The following TPR variants were observed in gnomAD, a reference collection of about 807,000 sequenced individuals.
The protein encoded by TPR is nucleoprotein TPR.
TPR carries 51 observed loss-of-function variants against 316.1 expected under a neutral mutation model. The observed-to-expected ratio is 0.16, with a 90% confidence interval of 0.13 to 0.20. The LOEUF is 0.20. Among genes scored for constraint, TPR ranks in the 10% least tolerant of loss-of-function variants. The pLI, the probability that TPR is intolerant of heterozygous loss-of-function variation, is 1.00. For synonymous variants in TPR, 981 were observed against 914.7 expected (o/e 1.07, Z -1.31); for missense variants, 2,272 against 2,754.8 (o/e 0.82, Z 3.92).
At chr1:186,357,757 T>G in intron 13 of TPR, 134 bp from the exon 14 acceptor site, 1 of 706,190 alleles carries the variant, frequency 1.4e-6, no homozygotes, top group African/African-American at 1.8e-5. Flanking sequence ...TCTTTAAAAA[T>G]AAAGCATCCT....
intron 1 of TPR, among the ~76,000 whole-genome samples, chr1:186,373,808 T>C (rs979446794): frequency 2.6e-5 from 4 of 152,128 alleles, no homozygotes; most frequent in East Asian, 1.9e-4. Flanking sequence ...CGAGAAAAAA[T>C]TGTTTAGACA....
rs751888516 is a variant in TPR, at chr1:186,339,647, A to G, written c.4146T>C (p.Ile1382=). 2 of 1,575,322 alleles carry G rather than the reference A, an allele frequency of 1.3e-6. No individual in the cohort carries two copies. The highest frequency in any genetic ancestry group is 1.7e-6 in the Non-Finnish European group (2 of 1,164,282). ...TEEIGRLKAE[I]ARSNASLTNN... ...TAAGGCTTCTTTCCATATACCTTGC[A>G]ATTTCAGCTTTAAGTCTACCAATTT... The change falls in exon 30 of 51, where the codon ATT becomes ATC. Residue 1382 remains isoleucine (I), a synonymous_variant. Coordinates refer to ENST00000367478, the MANE Select transcript of TPR (RefSeq NM_003292.3).
chr1:186,365,830 G>C (rs1261438278), intron 4 of TPR, among the ~76,000 whole-genome samples: 2 of 152,188 alleles, frequency 1.3e-5, no homozygotes, highest in African/African-American at 4.8e-5. Flanking sequence ...TGGGATGAAG[G>C]GTTTCAAGAT....
At chr1:186,344,341 C>T (rs1189876647) in intron 25 of TPR, 34 bp downstream of exon 25, 2 of 1,595,374 alleles carry the variant, frequency 1.3e-6, no homozygotes, top group Middle Eastern at 1.7e-4. Flanking sequence ...TCTTTCAATT[C>T]AACAGAACAT....
chr1:186,341,523 A>G lies in TPR; in HGVS notation c.3751-134T>C, dbSNP rs16829056. ...TCAACTTTTAGAACTAAAATTTTTG[A>G]AAGTTCACGTTTACTTTTCTGTGAG... On this transcript the variant is annotated intron_variant, in intron 27 of 50. Coordinates refer to ENST00000367478, the MANE Select transcript of TPR (RefSeq NM_003292.3). 5.0e-4 allele frequency: 474 copies of G among 950,918 alleles called. 4 individuals carry two copies. In the African/African-American group the frequency reaches 7.1e-3, roughly 14 times the overall value. The allele number at this position is 950,918 out of a possible 1,614,324, so 58.9% of individuals were successfully genotyped here. A position where few individuals can be genotyped will look rare whatever the true frequency, so the allele number is the denominator to read the frequency against.
intron 3 of TPR, among the ~76,000 whole-genome samples, chr1:186,369,820 C>A (rs1659468788): frequency 6.6e-6 from 1 of 152,030 alleles, no homozygotes; most frequent in African/African-American, 2.4e-5. Context: ...TGCATTGGAT[C>A]TTAGTGAAAA....
At position 186,332,351 on chromosome 1, in the gene TPR, A is replaced by G; in HGVS notation, c.5456-8T>C. The G allele has an allele frequency of 1.2e-6, 2 of 1,611,072 alleles. No individual in the cohort carries two copies. The highest frequency in any genetic ancestry group is 2.2e-5 in the East Asian group (1 of 44,838). On this transcript the variant is annotated splice_polypyrimidine_tract_variant and splice_region_variant and intron_variant, in intron 37 of 50. Coordinates refer to ENST00000367478, the MANE Select transcript of TPR (RefSeq NM_003292.3). ...AACTGGGGGTAGCCGAAACTTTGAA[A>G]TTATATAAATCTTGAATTAGAGCAT... is the stretch of plus-strand genomic sequence containing the variant.
chr1:186,345,771 TA>T, intron 23 of TPR, 75 bp from the exon 24 acceptor site: 1 of 1,044,460 alleles, frequency 9.6e-7, no homozygotes. Flanking sequence ...GTAGTGTTAC[TA>T]AATTGAAGTC....
rs569672863 is a variant in TPR, at chr1:186,340,968, T to G, written c.4020+60A>C. On this transcript the variant is annotated intron_variant, in intron 29 of 50. Coordinates refer to ENST00000367478, the MANE Select transcript of TPR (RefSeq NM_003292.3). Reference sequence around the variant, plus strand: ...CCTCAAATATTTTTATTCCCCTAAGTTTCCCCTATTATTAAAAACACGTGT... The same window carrying G: ...CCTCAAATATTTTTATTCCCCTAAGGTTCCCCTATTATTAAAAACACGTGT... 2.5e-6 allele frequency: 4 copies of G among 1,571,562 alleles called. No individual in the cohort carries two copies. In the East Asian group the frequency reaches 9.0e-5, roughly 35 times the overall value.
At position 186,320,385 on chromosome 1, in the gene TPR, C is replaced by A. The variant is rs1657743705; in HGVS notation, c.6495G>T (p.Arg2165=). The A allele has an allele frequency of 6.2e-7, 1 of 1,612,398 alleles. No individual in the cohort carries two copies. Among genetic ancestry groups the A allele is most frequent in the African/African-American group, 1.3e-5 (1 of 74,790 alleles). ...GTGGCATATCTTCAGGTGGCCCAAACCGGAATCTAGGGACACCAGCAACCT... is the reference window on the plus strand; with the variant it reads ...GTGGCATATCTTCAGGTGGCCCAAAACGGAATCTAGGGACACCAGCAACCT... ...SPQVAGVPRF[R]FGPPEDMPQT... The change falls in exon 46 of 51, where the codon CGG becomes CGT. Residue 2165 remains arginine, a synonymous_variant. Transcript: ENST00000367478.
intron 39 of TPR, among the ~76,000 whole-genome samples, chr1:186,328,004 C>T (rs923932991): frequency 6.6e-6 from 1 of 152,132 alleles, no homozygotes; most frequent in East Asian, 1.9e-4. Flanking sequence ...AGGCTGGTCT[C>T]GAACTCCTGA....
In TPR at chr1:186,313,130, G is replaced by A. The variant is rs1177923330; in HGVS notation, c.*841C>T. The A allele has an allele frequency of 9.5e-6, 5 of 526,268 alleles. No homozygotes were observed. The highest frequency in any genetic ancestry group is 1.7e-5 in the Non-Finnish European group (5 of 292,126). The allele number at this position is 526,268 out of a possible 1,614,324, so 32.6% of individuals were successfully genotyped here. On this transcript the variant is annotated 3_prime_UTR_variant, in exon 51 of 51. Coordinates refer to ENST00000367478, the MANE Select transcript of TPR (RefSeq NM_003292.3). ...ATTACGATAAAACATCCAGTTACTA[G>A]AGTAAACTTGCTACTGACAATAGTA...
At chr1:186,374,855 G>A (rs979749170) in intron 1 of TPR, 23 bp downstream of exon 1, 1 of 1,577,974 alleles carries the variant, frequency 6.3e-7, no homozygotes, top group Admixed American at 1.7e-5. Context: ...CAAAACCAAG[G>A]ACGGAAAGAG....
intron 12 of TPR, among the ~76,000 whole-genome samples, chr1:186,358,984 TGAA>T (rs1474497541): frequency 4.6e-5 from 7 of 152,052 alleles, no homozygotes; most frequent in African/African-American, 1.4e-4. Context: ...CTTCACTTGA[TGAA>T]GAAGAAAAAA....
intron 45 of TPR, among the ~76,000 whole-genome samples, chr1:186,321,197 G>T (rs1657765938): frequency 6.6e-6 from 1 of 152,294 alleles, no homozygotes; most frequent in African/African-American, 2.4e-5. Context: ...TGGCTGGTTT[G>T]TAAGAATGTG....
At position 186,335,229 on chromosome 1, in the gene TPR, T is replaced by G. The variant is rs543892377; in HGVS notation, c.4912-100A>C. On this transcript the variant is annotated intron_variant, in intron 34 of 50. Transcript: ENST00000367478. Reference sequence around the variant, plus strand: ...TTATTGTTAATTCTCTCCGCATATATTGAATTTTAGCCAAAATTCACTGAC... The same window carrying G: ...TTATTGTTAATTCTCTCCGCATATAGTGAATTTTAGCCAAAATTCACTGAC... The G allele has an allele frequency of 6.5e-6, 10 of 1,543,484 alleles. No individual in the cohort carries two copies. The Admixed American group carries it at 1.9e-4, about 30-fold the overall frequency.
Position 186,362,910 on chromosome 1 carries a change from A to T in TPR, c.623T>A (p.Leu208His). The change falls in exon 6 of 51, where the codon CTT (leucine) becomes CAT (histidine). Residue 208 changes from leucine to histidine, a missense_variant. Coordinates refer to ENST00000367478, the MANE Select transcript of TPR (RefSeq NM_003292.3). ...CCCTTTTTCTCTTCCAAGAGCCAGA[A>T]GTTCATCAGTTTTGGTTTTCAACTC... ...NTELKTKTDE[L>H]LALGREKGNE... The T allele has an allele frequency of 6.2e-7, 1 of 1,611,620 alleles. No individual in the cohort carries two copies. Among genetic ancestry groups the T allele is most frequent in the Non-Finnish European group, 8.5e-7 (1 of 1,178,990 alleles).
At chr1:186,324,825 G>A (rs912470102) in intron 42 of TPR, among the ~76,000 whole-genome samples, 4 of 149,652 alleles carry the variant, frequency 2.7e-5, no homozygotes, top group South Asian at 2.2e-4. Flanking sequence ...GGAAGGAAGG[G>A]AGGGAGGGAG....
chr1:186,370,403 A>G (rs1026818499), intron 3 of TPR, among the ~76,000 whole-genome samples: 5 of 152,144 alleles, frequency 3.3e-5, no homozygotes, highest in Non-Finnish European at 7.4e-5. Flanking sequence ...CATTCTTCAT[A>G]TAAATACATT....
Sources: gnomAD v4.1 joint callset for allele counts (sites outside exome capture counted in the v4.1 genomes callset) on GRCh38, gnomAD v4.1.1 for gene constraint, MANE v1.5 for transcripts, NCBI Gene and HGNC (gene_info 2026-07-23, HGNC 2026-07-21) for gene names.